The following PTH2R variants were observed in gnomAD, a reference collection of about 807,000 sequenced individuals.
The protein encoded by PTH2R is PTH2 receptor.
A neutral mutation model predicts 60.3 loss-of-function variants in PTH2R; 59 were observed. The ratio of observed to expected loss-of-function variants is 0.98; its 90% CI spans 0.79 to 1.22. The LOEUF (loss-of-function observed/expected upper bound fraction) is 1.22, where lower values mean the gene tolerates loss of function less well. Ranked by LOEUF, PTH2R falls within the 50% of genes most tolerant of loss-of-function variation. The pLI, the probability that PTH2R is intolerant of heterozygous loss-of-function variation, is 0.00. For synonymous variants in PTH2R, 256 were observed against 243.8 expected, an observed-to-expected ratio of 1.05 and a Z score of -0.47; for missense variants, 749 against 682.6, an observed-to-expected ratio of 1.10 and a Z score of -1.08.
chr2:208,439,482 T>C (rs114295744), intron 4 of PTH2R, among the ~76,000 whole-genome samples: 161 of 152,076 alleles, frequency 1.1e-3, no homozygotes, highest in Non-Finnish European at 1.7e-3. Flanking sequence ...TATTACTTAT[T>C]TGTGAGATAT....
chr2:208,414,599 A>G (rs1235511948), intron 1 of PTH2R, among the ~76,000 whole-genome samples: 1 of 151,894 alleles, frequency 6.6e-6, no homozygotes, highest in African/African-American at 2.4e-5. Context: ...TAGAATAAGT[A>G]ATTTTGGGTT....
intron 10 of PTH2R, among the ~76,000 whole-genome samples, chr2:208,483,559 T>A (rs1466850987): frequency 6.6e-6 from 1 of 152,196 alleles, no homozygotes; most frequent in Non-Finnish European, 1.5e-5. Flanking sequence ...GACAATATTT[T>A]GAATTAATTC....
intron 9 of PTH2R, among the ~76,000 whole-genome samples, chr2:208,462,799 G>A (rs1702659720): frequency 6.6e-6 from 1 of 152,234 alleles, no homozygotes. Context: ...GCATTCCAAT[G>A]GTCTGTGCCA....
chr2:208,464,514 G>A (rs1221640130), intron 9 of PTH2R, among the ~76,000 whole-genome samples: 1 of 152,162 alleles, frequency 6.6e-6, no homozygotes, highest in South Asian at 2.1e-4. Context: ...GATGCACATG[G>A]ACACAGTATG....
Position 208,469,845 on chromosome 2 carries a change from G to A in PTH2R, c.981+9884G>A, listed in dbSNP as rs1196634950. On this transcript the variant is annotated intron_variant, in intron 9 of 12. Transcript: ENST00000272847. ...AATTAACAAAAGAACGTGATGCTTT[G>A]TTTTGGTTCTGGGCCTCCTGGAGCA... 4 of 152,298 alleles carry A rather than the reference G, an allele frequency of 2.6e-5. No individual in the cohort carries two copies. In the South Asian group the frequency reaches 6.2e-4, roughly 24 times the overall value. 9.4% of individuals were successfully genotyped at this position (152,298 alleles called of 1,614,324 possible). A position where few individuals can be genotyped will look rare whatever the true frequency, so the allele number is the denominator to read the frequency against.
intron 2 of PTH2R, among the ~76,000 whole-genome samples, chr2:208,434,476 A>C (rs1702034538): frequency 6.6e-6 from 1 of 152,228 alleles, no homozygotes. Context: ...TGTGTGAAGC[A>C]GTATCTTGCA....
chr2:208,489,249 T>C (rs918746945), intron 11 of PTH2R, 99 bp downstream of exon 11: 6 of 1,466,122 alleles, frequency 4.1e-6, no homozygotes, highest in Non-Finnish European at 5.6e-6. Context: ...CTGGCTTTGA[T>C]GCACCTGTCT....
intron 9 of PTH2R, among the ~76,000 whole-genome samples, chr2:208,477,953 CACT>C (rs1391833080): frequency 0.017 from 514 of 29,840 alleles, 2 homozygotes; most frequent in Non-Finnish European, 0.052. Context: ...GTAGTACTAG[CACT>C]ACTACTAGTA....
chr2:208,400,549 G>T (rs1701289274), intron 1 of PTH2R, among the ~76,000 whole-genome samples: 1 of 152,168 alleles, frequency 6.6e-6, no homozygotes, highest in Non-Finnish European at 1.5e-5. Context: ...ATCACTAAGG[G>T]ATGGTTCAGA....
intron 1 of PTH2R, among the ~76,000 whole-genome samples, chr2:208,424,877 G>A (rs6723118): frequency 0.013 from 1,951 of 152,166 alleles, 34 homozygotes; most frequent in African/African-American, 0.045. Flanking sequence ...ACACAGTTAG[G>A]TCCAAAGTTT....
intron 1 of PTH2R, among the ~76,000 whole-genome samples, chr2:208,393,295 G>C (rs1471641771): frequency 1.6e-5 from 1 of 61,092 alleles, no homozygotes; most frequent in Non-Finnish European, 6.1e-5. Flanking sequence ...TCCCTCAACT[G>C]AATCAGGGGA....
chr2:208,436,796 G>T (rs2105864497), intron 2 of PTH2R, among the ~76,000 whole-genome samples: 1 of 152,248 alleles, frequency 6.6e-6, no homozygotes, highest in East Asian at 1.9e-4. Flanking sequence ...TCAGTATGTT[G>T]CATTCCCAGC....
chr2:208,386,504 G>T (rs1201113620), intron 1 of PTH2R, among the ~76,000 whole-genome samples: 1 of 152,138 alleles, frequency 6.6e-6, no homozygotes, highest in South Asian at 2.1e-4. Context: ...GTATGTGTTT[G>T]TGTGTGTGCG....
chr2:208,414,842 C>G (rs578045063), intron 1 of PTH2R, among the ~76,000 whole-genome samples: 1 of 152,148 alleles, frequency 6.6e-6, no homozygotes, highest in South Asian at 2.1e-4. Flanking sequence ...GTGAGTGGCA[C>G]TTTACCTCTG....
intron 1 of PTH2R, among the ~76,000 whole-genome samples, chr2:208,371,749 T>G (rs1700705027): frequency 6.6e-6 from 1 of 152,102 alleles, no homozygotes; most frequent in African/African-American, 2.4e-5. Context: ...CCTCTCTGAG[T>G]CATCATAGGT....
intron 2 of PTH2R, among the ~76,000 whole-genome samples, chr2:208,432,676 A>G (rs1701995888): frequency 6.6e-6 from 1 of 152,214 alleles, no homozygotes; most frequent in South Asian, 2.1e-4. Context: ...CCTCAAAAAC[A>G]GGGAAGCCTT....
intron 9 of PTH2R, among the ~76,000 whole-genome samples, chr2:208,471,887 C>T (rs1702890360): frequency 6.6e-6 from 1 of 152,230 alleles, no homozygotes; most frequent in African/African-American, 2.4e-5. Flanking sequence ...CAGAGCTGCC[C>T]AAGGCCATTG....
intron 1 of PTH2R, among the ~76,000 whole-genome samples, chr2:208,419,545 A>C (rs1224586702): frequency 1.3e-5 from 2 of 152,102 alleles, no homozygotes; most frequent in Non-Finnish European, 2.9e-5. Flanking sequence ...CCATTTGTCA[A>C]TTTTGGCTTT....
chr2:208,458,769 A>C (rs1702568655), intron 8 of PTH2R, among the ~76,000 whole-genome samples: 1 of 152,126 alleles, frequency 6.6e-6, no homozygotes, highest in Non-Finnish European at 1.5e-5. Context: ...TTCCTGCAAA[A>C]GACATGATCT....
Sources: gnomAD v4.1 joint callset for allele counts (sites outside exome capture counted in the v4.1 genomes callset) on GRCh38, gnomAD v4.1.1 for gene constraint, MANE v1.5 for transcripts, NCBI Gene and HGNC (gene_info 2026-07-23, HGNC 2026-07-21) for gene names.